Variants in ITGBL1 observed in about 807,000 individuals in gnomAD.
ITGBL1 encodes the protein integrin beta-like protein 1.
ITGBL1 carries 51 observed loss-of-function variants against 68.5 expected under a neutral mutation model. The observed-to-expected ratio is 0.74, with a 90% confidence interval of 0.59 to 0.94. The LOEUF is 0.94. Among genes scored for constraint, ITGBL1 ranks in the 40% least tolerant of loss-of-function variants. The pLI, the probability that ITGBL1 is intolerant of heterozygous loss-of-function variation, is 0.00. For missense variants in ITGBL1, 649 were observed against 647.4 expected, an observed-to-expected ratio of 1.00 and a Z score of -0.03; for synonymous variants, 209 against 227.3, an observed-to-expected ratio of 0.92 and a Z score of 0.72.
intron 7 of ITGBL1, among the ~76,000 whole-genome samples, chr13:101,605,634 A>G (rs938954598): frequency 7.0e-5 from 10 of 142,438 alleles, no homozygotes; most frequent in Non-Finnish European, 1.6e-4. Flanking sequence ...GTATGTAGAC[A>G]TGTATGTGTG....
At chr13:101,543,439 A>G (rs9585726) in intron 2 of ITGBL1, among the ~76,000 whole-genome samples, 31,073 of 152,080 alleles carry the variant, frequency 0.2, 3,514 homozygotes, top group African/African-American at 0.28. Context: ...TGTTAGTCTG[A>G]TGGGCTTCCC....
At chr13:101,599,919 G>A (rs2030247123) in intron 7 of ITGBL1, among the ~76,000 whole-genome samples, 1 of 152,076 alleles carries the variant, frequency 6.6e-6, no homozygotes, top group African/African-American at 2.4e-5. Flanking sequence ...TGGCAATGTG[G>A]GCTCTTTTTT....
chr13:101,467,953 A>G (rs1426295330), intron 2 of ITGBL1, among the ~76,000 whole-genome samples: 1 of 152,188 alleles, frequency 6.6e-6, no homozygotes, highest in Non-Finnish European at 1.5e-5. Flanking sequence ...TATTAACTGT[A>G]AATTCATGAC....
chr13:101,670,541 T>A (rs970586382), intron 7 of ITGBL1, among the ~76,000 whole-genome samples: 3 of 152,214 alleles, frequency 2.0e-5, no homozygotes, highest in Non-Finnish European at 4.4e-5. Flanking sequence ...CTGTATTTAT[T>A]TTTGACATTT....
chr13:101,547,868 G>T (rs967865990), intron 2 of ITGBL1, among the ~76,000 whole-genome samples: 1 of 150,528 alleles, frequency 6.6e-6, no homozygotes, highest in African/African-American at 2.4e-5. Flanking sequence ...AAGAAAAATT[G>T]CTTTCTTACA....
chr13:101,501,575 T>C (rs567049065), intron 2 of ITGBL1, among the ~76,000 whole-genome samples: 1 of 152,210 alleles, frequency 6.6e-6, no homozygotes, highest in South Asian at 2.1e-4. Context: ...GAAAAATGAC[T>C]CTTAGATATT....
At chr13:101,615,204 T>C (rs1040296291) in intron 7 of ITGBL1, among the ~76,000 whole-genome samples, 4 of 152,112 alleles carry the variant, frequency 2.6e-5, no homozygotes, top group Admixed American at 2.6e-4. Flanking sequence ...TCTCTGTGTG[T>C]CCAAGCTCCC....
intron 2 of ITGBL1, among the ~76,000 whole-genome samples, chr13:101,532,780 G>A (rs184227798): frequency 6.6e-6 from 1 of 152,262 alleles, no homozygotes; most frequent in East Asian, 1.9e-4. Flanking sequence ...CTGCCATAAG[G>A]ATGATTGTAA....
chr13:101,715,338 T>A (rs1313563295), intron 10 of ITGBL1: 1 of 508,738 alleles, frequency 2.0e-6, no homozygotes, highest in Non-Finnish European at 3.5e-6. Context: ...ATGGTGACTA[T>A]CTGATCGGTA....
At chr13:101,697,248 G>A (rs187922675) in intron 8 of ITGBL1, among the ~76,000 whole-genome samples, 1 of 151,740 alleles carries the variant, frequency 6.6e-6, no homozygotes, top group Admixed American at 6.6e-5. Context: ...AAAATATATA[G>A]AGAGAAATGG....
rs371859024 is a variant in ITGBL1 at position 101,470,398 on chromosome 13, C to T, written c.316+16298C>T. Among the ~76,000 whole-genome samples the T allele has an allele frequency of 9.8e-4, 148 of 151,580 alleles. 2 individuals are homozygous for T. Among genetic ancestry groups the T allele is most frequent in the South Asian group, 7.9e-3 (38 of 4,784 alleles). On this transcript the variant is annotated intron_variant, in intron 2 of 10. Transcript: ENST00000376180. ...AGGCTGGAGTGCAGTGGCGCGATCT[C>T]GGCTCACTGCAAACTCCACCTCCTG...
intron 7 of ITGBL1, among the ~76,000 whole-genome samples, chr13:101,606,022 G>A (rs2030823870): frequency 2.1e-5 from 3 of 143,502 alleles, no homozygotes; most frequent in Admixed American, 1.4e-4. Context: ...ATGTATATAT[G>A]TTATATAGCA....
intron 2 of ITGBL1, among the ~76,000 whole-genome samples, chr13:101,476,839 A>G (rs2048544172): frequency 6.6e-6 from 1 of 152,170 alleles, no homozygotes; most frequent in East Asian, 1.9e-4. Context: ...GAGCACCTAG[A>G]CATGTAAAGC....
intron 8 of ITGBL1, among the ~76,000 whole-genome samples, chr13:101,699,026 T>A (rs896451239): frequency 6.6e-6 from 1 of 152,160 alleles, no homozygotes; most frequent in Non-Finnish European, 1.5e-5. Context: ...TTGAAGGAGA[T>A]CATGCCGCCT....
chr13:101,634,162 T>C (rs896414808), intron 7 of ITGBL1, among the ~76,000 whole-genome samples: 11 of 152,206 alleles, frequency 7.2e-5, no homozygotes, highest in African/African-American at 2.7e-4. Flanking sequence ...CAATCGAATA[T>C]ATTTTTAAGA....
At chr13:101,573,224 C>G (rs2050301501) in intron 3 of ITGBL1, among the ~76,000 whole-genome samples, 1 of 151,948 alleles carries the variant, frequency 6.6e-6, no homozygotes, top group Non-Finnish European at 1.5e-5. Flanking sequence ...GAAGCAATAG[C>G]ATAAATTATA....
intron 3 of ITGBL1, among the ~76,000 whole-genome samples, chr13:101,568,622 G>GT (rs2050219848): frequency 1.3e-5 from 2 of 151,992 alleles, no homozygotes; most frequent in South Asian, 2.1e-4. Flanking sequence ...GACGTTGGTG[G>GT]TTTTTTTAAA....
At chr13:101,629,974 C>T (rs2031922966) in intron 7 of ITGBL1, among the ~76,000 whole-genome samples, 1 of 152,106 alleles carries the variant, frequency 6.6e-6, no homozygotes, top group African/African-American at 2.4e-5. Flanking sequence ...AGGTGCCTGC[C>T]ACCACGCCCG....
At chr13:101,662,843 GTCTT>G (rs1260239410) in intron 7 of ITGBL1, among the ~76,000 whole-genome samples, 1 of 151,000 alleles carries the variant, frequency 6.6e-6, no homozygotes, top group East Asian at 1.9e-4. Flanking sequence ...TTTTTCATAT[GTCTT>G]CCCACAGTGT....
Sources: gnomAD v4.1 joint callset for allele counts (sites outside exome capture counted in the v4.1 genomes callset) on GRCh38, gnomAD v4.1.1 for gene constraint, MANE v1.5 for transcripts, NCBI Gene and HGNC (gene_info 2026-07-23, HGNC 2026-07-21) for gene names.